NSRP1: variants seen among roughly 807,000 people sequenced by gnomAD.
NSRP1 encodes the protein coiled-coil domain containing 55.
Under a neutral mutation model 54.7 loss-of-function variants are expected in NSRP1, and 24 were observed. That is an observed-to-expected ratio of 0.44 (90% confidence interval 0.32 to 0.62). NSRP1 has a LOEUF of 0.62. Among genes scored for constraint, NSRP1 ranks in the 20% least tolerant of loss-of-function variants. The probability of loss-of-function intolerance (pLI) is 0.06; values close to 1 mark genes in which losing one functional copy is unlikely to be tolerated. For synonymous variants in NSRP1, 210 were observed against 213.8 expected (o/e 0.98, Z 0.15); for missense variants, 596 against 651.2 (o/e 0.92, Z 0.92).
At position 30,185,112 on chromosome 17, in the gene NSRP1, A is replaced by G. The variant is rs1282440002; in HGVS notation, c.1115A>G (p.Glu372Gly). The G allele has an allele frequency of 6.2e-7, 1 of 1,612,516 alleles. No individual in the cohort carries two copies. Among genetic ancestry groups the G allele is most frequent in the Non-Finnish European group, 8.5e-7 (1 of 1,179,260 alleles). ...AAACCAAGGGCGAGGGACCAAAGAG[A>G]AAGAAGTGACAGAGTATGGAAAAGG... ...EDKPRARDQR[E>G]RSDRVWKREK... Residue 372 changes from glutamate to glycine, a missense_variant, in exon 7 of 7, where the codon GAA becomes GGA. Glu to Gly is a moderately conservative substitution (Grantham distance 98, BLOSUM62 -2). Coordinates refer to ENST00000247026, the MANE Select transcript of NSRP1 (RefSeq NM_032141.4).
At position 30,184,988 on chromosome 17, in the gene NSRP1, C is replaced by G. The variant is rs1413226005; in HGVS notation, c.991C>G (p.His331Asp). Residue 331 changes from histidine to aspartate, a missense_variant, in exon 7 of 7, where the codon CAT (histidine) becomes GAT (aspartate). By Grantham distance (81) the His-to-Asp change is moderately conservative (BLOSUM62 -1). Coordinates refer to ENST00000247026, the MANE Select transcript of NSRP1 (RefSeq NM_032141.4). ...QQKQSRDQEN[H>D]YTDRDYRKER... ...GAAGCAATCCAGAGACCAAGAGAAC[C>G]ATTACACTGACCGTGATTACCGGAA... 4.3e-6 allele frequency: 7 copies of G among 1,613,996 alleles called. No individual in the cohort carries two copies. Among genetic ancestry groups the G allele is most frequent in the Non-Finnish European group, 5.9e-6 (7 of 1,180,000 alleles).
At chr17:30,136,360 T>C (rs556704494) in intron 2 of NSRP1, among the ~76,000 whole-genome samples, 8 of 152,340 alleles carry the variant, frequency 5.3e-5, no homozygotes, top group Admixed American at 3.9e-4. Flanking sequence ...ATTATTTCAA[T>C]TACTCTAGCA....
chr17:30,121,264 G>A (rs1039580220), intron 2 of NSRP1, among the ~76,000 whole-genome samples: 6 of 152,086 alleles, frequency 3.9e-5, no homozygotes, highest in Admixed American at 3.9e-4. Flanking sequence ...AACAAAGAAA[G>A]GGAGAAATGA....
Position 30,170,302 on chromosome 17 carries a change from A to G in NSRP1, c.115-2240A>G, listed in dbSNP as rs960478342. On this transcript the variant is annotated intron_variant, in intron 2 of 6. Transcript: ENST00000247026. ...CAAATTAACATGTCCATTATCTTAC[A>G]TACTTTTTTTGTTTCTGTGGCAAGA... Among the ~76,000 whole-genome samples the G allele has an allele frequency of 5.9e-5, 9 of 152,264 alleles. No homozygotes were observed. In the East Asian group the frequency reaches 1.7e-3, roughly 29 times the overall value.
intron 2 of NSRP1, among the ~76,000 whole-genome samples, chr17:30,151,600 G>T (rs1288289447): frequency 6.6e-6 from 1 of 152,074 alleles, no homozygotes; most frequent in African/African-American, 2.4e-5. Context: ...GGAGGGATTG[G>T]TCTTACTGTT....
chr17:30,185,181 A>C lies in NSRP1; in HGVS notation c.1184A>C (p.Asp395Ala), dbSNP rs780521815. The C allele has an allele frequency of 6.4e-7, 1 of 1,574,274 alleles. No individual in the cohort carries two copies. Among genetic ancestry groups the C allele is most frequent in the African/African-American group, 1.4e-5 (1 of 73,662 alleles). ...TATTCCCAAAGAGAACAAGAAAGAGATAGACAACAAAATGATCAGAACCGA... is the reference window on the plus strand; with the variant it reads ...TATTCCCAAAGAGAACAAGAAAGAGCTAGACAACAAAATGATCAGAACCGA... ...EKYSQREQER[D>A]RQQNDQNRPS... The change falls in exon 7 of 7, where the codon GAT becomes GCT. Residue 395 changes from aspartate to alanine, a missense_variant. Transcript: ENST00000247026.
chr17:30,144,310 G>C (rs2071833618), intron 2 of NSRP1, among the ~76,000 whole-genome samples: 1 of 150,758 alleles, frequency 6.6e-6, no homozygotes, highest in Admixed American at 6.6e-5. Context: ...GCTTAGGCTG[G>C]AGTGGAGTGG....
At chr17:30,173,128 T>C (rs955456529) in intron 3 of NSRP1, among the ~76,000 whole-genome samples, 2 of 152,124 alleles carry the variant, frequency 1.3e-5, no homozygotes, top group African/African-American at 4.8e-5. Flanking sequence ...CATGCCCAGC[T>C]AATTTTTATA....
At chr17:30,117,038 C>T in intron 1 of NSRP1, 175 bp downstream of exon 1, 1 of 875,604 alleles carries the variant, frequency 1.1e-6, no homozygotes, top group Non-Finnish European at 1.9e-6. Context: ...TACATTTTCC[C>T]GGATGGAAGC....
chr17:30,171,791 A>G (rs1257416005), intron 2 of NSRP1, among the ~76,000 whole-genome samples: 2 of 152,094 alleles, frequency 1.3e-5, no homozygotes, highest in Non-Finnish European at 2.9e-5. Context: ...GCTGTCCCTA[A>G]GCCTTAAACA....
At chr17:30,117,189 T>G (rs771621902) in intron 1 of NSRP1, 5 of 687,710 alleles carry the variant, frequency 7.3e-6, no homozygotes, top group Non-Finnish European at 1.4e-5. Flanking sequence ...TTCTCCCCGC[T>G]TGGATGCTCT....
intron 2 of NSRP1, among the ~76,000 whole-genome samples, chr17:30,140,286 T>TA (rs1250571663): frequency 1.3e-5 from 2 of 152,190 alleles, no homozygotes; most frequent in Non-Finnish European, 2.9e-5. Flanking sequence ...ATTAATAACT[T>TA]AAAATTTTCT....
At chr17:30,147,132 C>CTTT (rs112865148) in intron 2 of NSRP1, among the ~76,000 whole-genome samples, 11 of 140,390 alleles carry the variant, frequency 7.8e-5, no homozygotes, top group African/African-American at 2.6e-4. Flanking sequence ...CTTTTCTTTT[C>CTTT]TTTTTTTTTT....
chr17:30,171,990 T>A (rs1482293697), intron 2 of NSRP1, among the ~76,000 whole-genome samples: 3 of 115,338 alleles, frequency 2.6e-5, no homozygotes, highest in African/African-American at 7.8e-5. Context: ...TCTCTCTCTC[T>A]CTCTCTCTCT....
intron 2 of NSRP1, among the ~76,000 whole-genome samples, chr17:30,143,259 A>C (rs911097237): frequency 6.6e-6 from 1 of 152,240 alleles, no homozygotes; most frequent in Non-Finnish European, 1.5e-5. Context: ...AAAATAGATC[A>C]AATCACTTTC....
At position 30,185,657 on chromosome 17, in the gene NSRP1, GAGAA is replaced by G; in HGVS notation, c.1665_1668del (p.Glu556MetfsTer11). The G allele has an allele frequency of 6.3e-7, 1 of 1,576,446 alleles. No homozygotes were observed. Among genetic ancestry groups the G allele is most frequent in the Non-Finnish European group, 8.6e-7 (1 of 1,166,586 alleles). On this transcript the variant is annotated frameshift_variant, in exon 7 of 7. Transcript: ENST00000247026. LOFTEE classifies it high-confidence loss of function. ...GCGGGTTAATGCAAAGACCTATATT[GAGAA>G]AGAAGATGATTGATGGCTACCCCAA... is the stretch of plus-strand genomic sequence containing the variant.
intron 2 of NSRP1, among the ~76,000 whole-genome samples, chr17:30,118,469 C>T (rs1214311205): frequency 1.3e-5 from 2 of 152,140 alleles, no homozygotes; most frequent in Non-Finnish European, 2.9e-5. Flanking sequence ...ATTAAGATGT[C>T]ACCAATTTTC....
intron 2 of NSRP1, among the ~76,000 whole-genome samples, chr17:30,157,703 A>G (rs752551512): frequency 7.2e-5 from 11 of 151,784 alleles, no homozygotes; most frequent in Non-Finnish European, 1.5e-5. Context: ...CTATTGTTCT[A>G]TACTCTATGT....
chr17:30,168,575 ATAATAATAATAATAATAG>A (rs1904817496), intron 2 of NSRP1, among the ~76,000 whole-genome samples: 2 of 123,134 alleles, frequency 1.6e-5, no homozygotes, highest in South Asian at 2.9e-4. Flanking sequence ...AACTTAAAGT[ATAATAATAATAATAATAG>A]TAATAATAAT....
Sources: gnomAD v4.1 joint callset for allele counts (sites outside exome capture counted in the v4.1 genomes callset) on GRCh38, gnomAD v4.1.1 for gene constraint, MANE v1.5 for transcripts, NCBI Gene and HGNC (gene_info 2026-07-23, HGNC 2026-07-21) for gene names.